Variants in SHANK2 observed in about 807,000 individuals in gnomAD.
The protein encoded by SHANK2 is SH3 and multiple ankyrin repeat domains 2, also known as SH3 and multiple ankyrin repeat domains protein 2.
Under a neutral mutation model 133.7 loss-of-function variants are expected in SHANK2, and 43 were observed. The observed-to-expected ratio is 0.32, with a 90% CI of 0.25 to 0.41. The LOEUF is 0.41. Ranked by LOEUF, SHANK2 falls within the 10% of genes least tolerant of loss-of-function variation. The probability of loss-of-function intolerance (pLI) is 1.00; values close to 1 mark genes in which losing one functional copy is unlikely to be tolerated. For missense variants in SHANK2, 1,994 were observed against 2,235.8 expected (o/e 0.89, Z 2.18); for synonymous variants, 1,017 against 952.8 (o/e 1.07, Z -1.24).
rs781882855 is a variant in SHANK2 at position 70,500,602 on chromosome 11, A to G, written c.2288-12T>C. 6.2e-6 allele frequency: 10 copies of G among 1,600,636 alleles called. No homozygotes were observed. The highest frequency in any genetic ancestry group is 2.7e-5 in the African/African-American group (2 of 74,712). On this transcript the variant is annotated splice_polypyrimidine_tract_variant and intron_variant, in intron 20 of 25. Transcript: ENST00000601538. This position sits in a 1 kb window ranked among gnomAD's most constrained non-coding sequence, Gnocchi z 4.5. ...CTTCCGGACCGAGGCTTGCAAACAGAAAGGGGACCGCCATGAGCCACCAGG... is the reference window on the plus strand; with the variant it reads ...CTTCCGGACCGAGGCTTGCAAACAGGAAGGGGACCGCCATGAGCCACCAGG...
intron 3 of SHANK2, among the ~76,000 whole-genome samples, chr11:71,138,737 G>C (rs1404420893): frequency 4.3e-4 from 64 of 147,602 alleles, no homozygotes; most frequent in Non-Finnish European, 1.0e-4. Flanking sequence ...GGTGCAGTGA[G>C]TTGTGATTGC....
At chr11:70,796,341 C>T (rs997736608) in intron 14 of SHANK2, among the ~76,000 whole-genome samples, 2 of 152,160 alleles carry the variant, frequency 1.3e-5, no homozygotes, top group African/African-American at 4.8e-5. Flanking sequence ...TCAAATGATC[C>T]CCCTACGCAG....
In SHANK2 at chr11:71,147,934, G is replaced by A. The variant is rs1411700723; in HGVS notation, c.-12-596C>T. Reference sequence around the variant, plus strand: ...GACCAGGACTGGAGTGGAACCAAGAGTCATGAGCAGACTGCAGCCATCAGA... The same window carrying A: ...GACCAGGACTGGAGTGGAACCAAGAATCATGAGCAGACTGCAGCCATCAGA... On this transcript the variant is annotated intron_variant, in intron 2 of 25. Transcript: ENST00000601538. Among the ~76,000 whole-genome samples, 30 of 152,330 alleles carry A rather than the reference G, an allele frequency of 2.0e-4. 1 individual carries two copies. Among genetic ancestry groups the A allele is most frequent in the Admixed American group, 1.8e-3 (28 of 15,308 alleles).
chr11:70,524,174 G>A (rs1267251949), intron 17 of SHANK2, among the ~76,000 whole-genome samples: 3 of 152,164 alleles, frequency 2.0e-5, no homozygotes, highest in African/African-American at 4.8e-5. Flanking sequence ...AAGCTACAGC[G>A]GAGCCCTGGG....
At chr11:70,665,057 G>A (rs113304247) in intron 15 of SHANK2, among the ~76,000 whole-genome samples, 12 of 152,088 alleles carry the variant, frequency 7.9e-5, no homozygotes, top group African/African-American at 2.2e-4. Flanking sequence ...TCTCTTCCCC[G>A]GACCCCCTTC....
At chr11:71,218,713 C>A (rs1007269329) in intron 2 of SHANK2, among the ~76,000 whole-genome samples, 3 of 152,140 alleles carry the variant, frequency 2.0e-5, no homozygotes, top group Non-Finnish European at 1.5e-5. Context: ...CAAGGTCTCT[C>A]GATGGGAAAG....
chr11:70,887,636 AC>A (rs1555073789), intron 11 of SHANK2, among the ~76,000 whole-genome samples: 1 of 152,156 alleles, frequency 6.6e-6, no homozygotes, highest in African/African-American at 2.4e-5. Context: ...TGTTTGGGAA[AC>A]AAAGGATCCC....
chr11:71,204,570 C>T (rs536259958), intron 2 of SHANK2, among the ~76,000 whole-genome samples: 1 of 152,308 alleles, frequency 6.6e-6, no homozygotes, highest in Non-Finnish European at 1.5e-5. Flanking sequence ...GTGCACTTCA[C>T]CCTGACACCT....
intron 11 of SHANK2, among the ~76,000 whole-genome samples, chr11:70,860,733 G>T (rs1555067645): frequency 6.6e-6 from 1 of 152,160 alleles, no homozygotes; most frequent in Non-Finnish European, 1.5e-5. Context: ...ACACGCAAGG[G>T]GCCTGGCGCG....
intron 8 of SHANK2, among the ~76,000 whole-genome samples, chr11:71,080,780 G>A (rs933993922): frequency 1.5e-4 from 23 of 152,200 alleles, no homozygotes; most frequent in Non-Finnish European, 2.5e-4. Flanking sequence ...CCCCTCGCAT[G>A]GCCTGAGCCA....
chr11:70,570,715 T>TGGAGTGG (rs147721373), intron 17 of SHANK2: 1 of 151,784 alleles, frequency 6.6e-6, no homozygotes, highest in Non-Finnish European at 1.5e-5. Flanking sequence ...GTGGGTGTAC[T>TGGAGTGG]GGAGTGGGGA....
At chr11:70,571,068 G>A (rs1258588134) in intron 17 of SHANK2, among the ~76,000 whole-genome samples, 5 of 152,064 alleles carry the variant, frequency 3.3e-5, no homozygotes, top group South Asian at 4.2e-4. Context: ...TCCTGGAGGC[G>A]GATTCTAGGG....
chr11:71,070,560 A>T (rs1951129683), intron 9 of SHANK2, among the ~76,000 whole-genome samples: 1 of 151,898 alleles, frequency 6.6e-6, no homozygotes, highest in Non-Finnish European at 1.5e-5. Flanking sequence ...AGGAGAAGCC[A>T]CTCAATCCTG....
intron 3 of SHANK2, among the ~76,000 whole-genome samples, chr11:71,142,301 C>T (rs1242229206): frequency 2.0e-5 from 3 of 151,880 alleles, no homozygotes; most frequent in South Asian, 2.1e-4. Flanking sequence ...AGGAGTTGGA[C>T]ACCAGCCTGG....
chr11:70,574,573 G>A (rs2060091511), intron 17 of SHANK2, among the ~76,000 whole-genome samples: 1 of 152,146 alleles, frequency 6.6e-6, no homozygotes, highest in African/African-American at 2.4e-5. Context: ...TCTAGTGACT[G>A]TCCCTTTGCC....
In SHANK2 at chr11:70,500,816, G is replaced by T; in HGVS notation, c.2288-226C>A. The T allele has an allele frequency of 1.4e-6, 1 of 721,780 alleles. No individual in the cohort carries two copies. Among genetic ancestry groups the T allele is most frequent in the East Asian group, 2.7e-5 (1 of 37,212 alleles). The allele number at this position is 721,780 out of a possible 1,614,324, so 44.7% of individuals were successfully genotyped here. On this transcript the variant is annotated intron_variant, in intron 20 of 25. Transcript: ENST00000601538. This position sits in a 1 kb window ranked among gnomAD's most constrained non-coding sequence, Gnocchi z 4.5. ...CAACTCTGTCCTGTCTGCCCTGCTCGTTAACCTACTGCCTGGCAGTGGAAA... is the reference window on the plus strand; with the variant it reads ...CAACTCTGTCCTGTCTGCCCTGCTCTTTAACCTACTGCCTGGCAGTGGAAA...
intron 17 of SHANK2, among the ~76,000 whole-genome samples, chr11:70,653,172 A>C (rs913950600): frequency 6.6e-6 from 1 of 151,898 alleles, no homozygotes; most frequent in Non-Finnish European, 1.5e-5. Flanking sequence ...ACGGGGTTTC[A>C]CCATGTTAGC....
At position 71,076,140 on chromosome 11, in the gene SHANK2, G is replaced by A. The variant is rs1011702958; in HGVS notation, c.913-865C>T. 3.0e-3 allele frequency among the ~76,000 whole-genome samples: 449 copies of A among 152,164 alleles called. 4 individuals are homozygous for A. Among genetic ancestry groups the A allele is most frequent in the African/African-American group, 1.0e-2 (413 of 41,498 alleles). ...GCTCACAGGGGCCAGGGAGGTCCCCGCACAGGTGATGAGGGCCCCTCTGTC... is the reference window on the plus strand; with the variant it reads ...GCTCACAGGGGCCAGGGAGGTCCCCACACAGGTGATGAGGGCCCCTCTGTC... On this transcript the variant is annotated intron_variant, in intron 8 of 25. Transcript: ENST00000601538.
chr11:70,754,246 C>T (rs953894864), intron 14 of SHANK2, among the ~76,000 whole-genome samples: 10 of 152,172 alleles, frequency 6.6e-5, no homozygotes, highest in African/African-American at 2.4e-4. Context: ...GTGGAGGGAA[C>T]GCTTCCCAAA....
Sources: gnomAD v4.1 joint callset for allele counts (sites outside exome capture counted in the v4.1 genomes callset) on GRCh38, gnomAD v4.1.1 for gene constraint, Gnocchi (gnomAD v3.1) non-coding constraint, MANE v1.5 for transcripts, NCBI Gene and HGNC (gene_info 2026-07-23, HGNC 2026-07-21) for gene names.